RNF111: variants seen among roughly 807,000 people sequenced by gnomAD.
RNF111 encodes the protein ring finger protein 111.
A neutral mutation model predicts 95.1 loss-of-function variants in RNF111; 17 were observed. The ratio of observed to expected loss-of-function variants is 0.18; its 90% CI spans 0.12 to 0.27. The LOEUF (loss-of-function observed/expected upper bound fraction) is 0.27, where lower values mean the gene tolerates loss of function less well. Ranked by LOEUF, RNF111 falls within the 10% of genes least tolerant of loss-of-function variation. RNF111 has a pLI of 1.00. For missense variants in RNF111, 1,189 were observed against 1,210.4 expected, an observed-to-expected ratio of 0.98 and a Z score of 0.26; for synonymous variants, 440 against 414.8, an observed-to-expected ratio of 1.06 and a Z score of -0.74.
intron 2 of RNF111, among the ~76,000 whole-genome samples, chr15:59,048,747 A>G (rs953967259): frequency 2.0e-5 from 3 of 152,182 alleles, no homozygotes; most frequent in African/African-American, 7.2e-5. Context: ...ACTTTTTTAA[A>G]AACCATTTTA....
At chr15:59,024,347 T>C (rs866936795) in intron 1 of RNF111, among the ~76,000 whole-genome samples, 1 of 152,216 alleles carries the variant, frequency 6.6e-6, no homozygotes, top group African/African-American at 2.4e-5. Flanking sequence ...GTGCCTAGTA[T>C]GTGCGAGTCA....
At chr15:59,092,495 G>A in intron 12 of RNF111, 42 bp from the exon 13 acceptor site, 1 of 1,574,574 alleles carries the variant, frequency 6.4e-7, no homozygotes, top group African/African-American at 1.4e-5. Context: ...GTTCAATAAT[G>A]TCATCTCTAC....
chr15:59,080,552 A>G (rs542124202), intron 7 of RNF111, among the ~76,000 whole-genome samples: 68 of 152,348 alleles, frequency 4.5e-4, no homozygotes, highest in South Asian at 1.4e-3. Context: ...TGCTACAGAA[A>G]TGATCTCTAT....
chr15:59,092,655 AT>A lies in RNF111; in HGVS notation c.2843+17del. 1 of 1,593,030 alleles carries A rather than the reference AT, an allele frequency of 6.3e-7. No individual in the cohort carries two copies. Among genetic ancestry groups the A allele is most frequent in the Non-Finnish European group, 8.6e-7 (1 of 1,167,872 alleles). On this transcript the variant is annotated intron_variant, in intron 13 of 13. Coordinates refer to ENST00000348370, the MANE Select transcript of RNF111 (RefSeq NM_017610.8). ...GAAGATGTGAGGTAACTAGATATTA[AT>A]TATCTAAAATCCATTGTCAAAACTG...
chr15:59,077,224 T>C (rs1463103051), intron 7 of RNF111, among the ~76,000 whole-genome samples: 2 of 152,236 alleles, frequency 1.3e-5, no homozygotes, highest in Non-Finnish European at 2.9e-5. Flanking sequence ...TTGATCATCT[T>C]TTATTTGAAA....
chr15:59,067,177 C>T (rs2042695419), intron 6 of RNF111, 94 bp downstream of exon 6: 2 of 1,064,628 alleles, frequency 1.9e-6, no homozygotes. Context: ...TTCCTTCATT[C>T]CTGTCTCTCT....
Position 59,027,987 on chromosome 15 carries a change from G to A in RNF111, c.-19-2817G>A, listed in dbSNP as rs182032415. 2.6e-5 allele frequency among the ~76,000 whole-genome samples: 4 copies of A among 151,616 alleles called. No homozygotes were observed. In the East Asian group the frequency reaches 5.8e-4, roughly 22 times the overall value. On this transcript the variant is annotated intron_variant, in intron 1 of 13. Coordinates refer to ENST00000348370, the MANE Select transcript of RNF111 (RefSeq NM_017610.8). ...ATTACAGGTGCACGCCACCATGCCC[G>A]GATAATTTTTTGTATTTTTAGTAGA...
chr15:59,033,976 G>C (rs2041045753), intron 2 of RNF111, among the ~76,000 whole-genome samples: 1 of 151,938 alleles, frequency 6.6e-6, no homozygotes, highest in Admixed American at 6.6e-5. Context: ...CACACGATAT[G>C]GAATTTTAAA....
In RNF111 at chr15:59,033,623, G is replaced by A. The variant is rs944495848; in HGVS notation, c.880+1921G>A. On this transcript the variant is annotated intron_variant, in intron 2 of 13. Transcript: ENST00000348370. ...AGTGAGACAGGATGGTTGATGTGGA[G>A]CAGAAGTTCTAAGGAGCTGATGTTT... Among the ~76,000 whole-genome samples the A allele has an allele frequency of 1.4e-4, 22 of 152,202 alleles. 1 individual carries two copies. The highest frequency in any genetic ancestry group is 1.2e-3 in the Admixed American group (18 of 15,288).
At chr15:58,993,990 C>T (rs1265220756) in intron 1 of RNF111, among the ~76,000 whole-genome samples, 1 of 147,550 alleles carries the variant, frequency 6.8e-6, no homozygotes, top group Non-Finnish European at 1.5e-5. Context: ...GAATAAATTA[C>T]TTATTTTACT....
chr15:59,079,657 T>C (rs1213749834), intron 7 of RNF111, among the ~76,000 whole-genome samples: 2 of 74,138 alleles, frequency 2.7e-5, no homozygotes, highest in Non-Finnish European at 5.9e-5. Context: ...AAGACAAACT[T>C]TTTTTTTTTT....
Position 59,000,088 on chromosome 15 carries a change from C to T in RNF111, c.-20+12020C>T, listed in dbSNP as rs566227207. Among the ~76,000 whole-genome samples, 6 of 151,942 alleles carry T rather than the reference C, an allele frequency of 3.9e-5. No individual in the cohort carries two copies. In the South Asian group the frequency reaches 1.2e-3, roughly 32 times the overall value. Reference sequence around the variant, plus strand: ...TTTGGTTGAGGACACAGATCCAGACCATATCAATAAGTATCAGTAGATATA... The same window carrying T: ...TTTGGTTGAGGACACAGATCCAGACTATATCAATAAGTATCAGTAGATATA... On this transcript the variant is annotated intron_variant, in intron 1 of 13. Transcript: ENST00000348370.
rs531510006 is a variant in RNF111 at position 59,024,062 on chromosome 15, G to A, written c.-19-6742G>A. On this transcript the variant is annotated intron_variant, in intron 1 of 13. Transcript: ENST00000348370. Reference sequence around the variant, plus strand: ...TCTATGGTCAGTTTCTCTCTTTTAAGGACCTGATTATCCCCAGTTATATGG... The same window carrying A: ...TCTATGGTCAGTTTCTCTCTTTTAAAGACCTGATTATCCCCAGTTATATGG... Among the ~76,000 whole-genome samples the A allele has an allele frequency of 7.9e-5, 12 of 152,176 alleles. No homozygotes were observed. In the South Asian group the frequency reaches 2.5e-3, roughly 32 times the overall value.
intron 7 of RNF111, among the ~76,000 whole-genome samples, chr15:59,080,722 A>G (rs1444210334): frequency 2.6e-5 from 4 of 152,150 alleles, no homozygotes; most frequent in Non-Finnish European, 4.4e-5. Context: ...CTGTGAGTGA[A>G]GTTAAACTAT....
chr15:59,018,118 T>G (rs2040158129), intron 1 of RNF111, among the ~76,000 whole-genome samples: 1 of 152,160 alleles, frequency 6.6e-6, no homozygotes, highest in Admixed American at 6.6e-5. Flanking sequence ...TTATTACACT[T>G]TTAATGAAGA....
At position 59,028,061 on chromosome 15, in the gene RNF111, A is replaced by G. The variant is rs556494036; in HGVS notation, c.-19-2743A>G. Among the ~76,000 whole-genome samples, 20 of 152,224 alleles carry G rather than the reference A, an allele frequency of 1.3e-4. No homozygotes were observed. The East Asian group carries it at 3.9e-3, about 29-fold the overall frequency. On this transcript the variant is annotated intron_variant, in intron 1 of 13. Coordinates refer to ENST00000348370, the MANE Select transcript of RNF111 (RefSeq NM_017610.8). Reference sequence around the variant, plus strand: ...AGGCTGGCCTCGAACTCCTGACCTCAGGTGATCTGCCCGCCTCGGCCTCCC... The same window carrying G: ...AGGCTGGCCTCGAACTCCTGACCTCGGGTGATCTGCCCGCCTCGGCCTCCC...
chr15:59,069,165 T>C (rs1159246228), intron 6 of RNF111, among the ~76,000 whole-genome samples: 2 of 152,084 alleles, frequency 1.3e-5, no homozygotes, highest in Non-Finnish European at 2.9e-5. Context: ...AAAATATAAT[T>C]AAAGAGATTT....
Position 59,096,149 on chromosome 15 carries a change from AAAGTT to A in RNF111, c.*1257_*1261del, listed in dbSNP as rs1321066240. 15 of 398,292 alleles carry A rather than the reference AAAGTT, an allele frequency of 3.8e-5. No homozygotes were observed. Among genetic ancestry groups the A allele is most frequent in the Middle Eastern group, 6.2e-4 (1 of 1,604 alleles). 24.7% of individuals were successfully genotyped at this position (398,292 alleles called of 1,614,324 possible). A position where few individuals can be genotyped will look rare whatever the true frequency, so the allele number is the denominator to read the frequency against. ...AGATTTACTGCATAATATAGAATAT[AAAGTT>A]AAGTTAACATACTAACATTTCTCCT... On this transcript the variant is annotated 3_prime_UTR_variant, in exon 14 of 14. Transcript: ENST00000348370.
At chr15:59,090,756 ACTGT>A (rs1430294878) in intron 11 of RNF111, among the ~76,000 whole-genome samples, 1 of 152,180 alleles carries the variant, frequency 6.6e-6, no homozygotes, top group Non-Finnish European at 1.5e-5. Flanking sequence ...CATTTGCCTT[ACTGT>A]CTATGAGAAA....
Sources: gnomAD v4.1 joint callset for allele counts (sites outside exome capture counted in the v4.1 genomes callset) on GRCh38, gnomAD v4.1.1 for gene constraint, MANE v1.5 for transcripts, NCBI Gene and HGNC (gene_info 2026-07-23, HGNC 2026-07-21) for gene names.